Variants in AGAP1 observed in about 807,000 individuals in gnomAD.
AGAP1 encodes the protein ArfGAP with GTPase domain, ankyrin repeat and PH domain 1.
Under a neutral mutation model 105.3 loss-of-function variants are expected in AGAP1, and 29 were observed. That is an observed-to-expected ratio of 0.28 (90% CI 0.21 to 0.38). The LOEUF (loss-of-function observed/expected upper bound fraction) is 0.38. Ranked by LOEUF, AGAP1 falls within the 10% of genes least tolerant of loss-of-function variation. The pLI, the probability that AGAP1 is intolerant of heterozygous loss-of-function variation, is 1.00. For missense variants in AGAP1, 998 were observed against 1,165.1 expected (o/e 0.86, Z 2.09); for synonymous variants, 509 against 485.9 (o/e 1.05, Z -0.63).
intron 13 of AGAP1, among the ~76,000 whole-genome samples, chr2:235,974,654 G>C (rs1198640548): frequency 6.6e-6 from 1 of 152,152 alleles, no homozygotes; most frequent in African/African-American, 2.4e-5. Context: ...TCACTGTTAT[G>C]GTAGAAAATG....
intron 1 of AGAP1, among the ~76,000 whole-genome samples, chr2:235,564,002 T>C (rs1944256097): frequency 6.6e-6 from 1 of 152,136 alleles, no homozygotes; most frequent in African/African-American, 2.4e-5. Context: ...TCCTGGAGCC[T>C]CTTTGTGGGA....
At chr2:235,646,902 G>A (rs1269001459) in intron 1 of AGAP1, among the ~76,000 whole-genome samples, 1 of 152,150 alleles carries the variant, frequency 6.6e-6, no homozygotes, top group African/African-American at 2.4e-5. Context: ...TTGAGAGGCC[G>A]AGGCGGGTGG....
intron 1 of AGAP1, among the ~76,000 whole-genome samples, chr2:235,524,806 A>G (rs1258672850): frequency 6.6e-6 from 1 of 152,192 alleles, no homozygotes; most frequent in Non-Finnish European, 1.5e-5. Flanking sequence ...TAGTGGGGGT[A>G]GGGGTGAGGA....
Position 235,967,617 on chromosome 2 carries a change from A to G in AGAP1, c.1484-845A>G, listed in dbSNP as rs1253255469. Among the ~76,000 whole-genome samples the G allele has an allele frequency of 6.6e-6, 1 of 152,220 alleles. No homozygotes were observed. Among genetic ancestry groups the G allele is most frequent in the Admixed American group, 6.5e-5 (1 of 15,280 alleles). Reference sequence around the variant, plus strand: ...TACAGAACTCTGACTTTGGACTTAAAGATGCTGAATCGTGAAATAAAAACT... The same window carrying G: ...TACAGAACTCTGACTTTGGACTTAAGGATGCTGAATCGTGAAATAAAAACT... On this transcript the variant is annotated intron_variant, in intron 12 of 17. Transcript: ENST00000304032. This position sits in a 1 kb window ranked among gnomAD's most constrained non-coding sequence, Gnocchi z 4.7.
rs956942907 is a variant in AGAP1, at chr2:236,090,148, C to T, written c.2115-30044C>T. On this transcript the variant is annotated intron_variant, in intron 16 of 17. Transcript: ENST00000304032. The surrounding 1 kb of genome is among the most constrained non-coding windows in gnomAD (Gnocchi z 4.3). ...TTCACAGAGACCGGCCGTGTCCTCA[C>T]CCCTCTGTCACCATTGTGGGCTCCA... 6.6e-6 allele frequency among the ~76,000 whole-genome samples: 1 copy of T among 152,182 alleles called. No individual in the cohort carries two copies. Among genetic ancestry groups the T allele is most frequent in the Admixed American group, 6.5e-5 (1 of 15,284 alleles).
chr2:235,783,603 T>G (rs1956415365), intron 6 of AGAP1, among the ~76,000 whole-genome samples: 1 of 152,178 alleles, frequency 6.6e-6, no homozygotes, highest in Admixed American at 6.5e-5. Context: ...CACAAAACAT[T>G]ATGCTCTGTG....
In AGAP1 at chr2:235,957,325, C is replaced by T. The variant is rs1436213582; in HGVS notation, c.1484-11137C>T. 4.6e-5 allele frequency among the ~76,000 whole-genome samples: 7 copies of T among 152,274 alleles called. No homozygotes were observed. The East Asian group carries it at 1.4e-3, about 29-fold the overall frequency. On this transcript the variant is annotated intron_variant, in intron 12 of 17. Coordinates refer to ENST00000304032, the MANE Select transcript of AGAP1 (RefSeq NM_001037131.3). The surrounding 1 kb of genome is among the most constrained non-coding windows in gnomAD (Gnocchi z 4.6). ...GGCCCAAGTAGGCAATTCTTCTCTCCTGTGTGTTCTCTTGGTTCTGGCTCC... is the reference window on the plus strand; with the variant it reads ...GGCCCAAGTAGGCAATTCTTCTCTCTTGTGTGTTCTCTTGGTTCTGGCTCC...
Position 235,799,570 on chromosome 2 carries a change from C to A in AGAP1, c.957+48C>A. 3.8e-6 allele frequency: 6 copies of A among 1,596,116 alleles called. No individual in the cohort carries two copies. Among genetic ancestry groups the A allele is most frequent in the Non-Finnish European group, 5.1e-6 (6 of 1,166,682 alleles). On this transcript the variant is annotated intron_variant, in intron 8 of 17. Transcript: ENST00000304032. This position sits in a 1 kb window ranked among gnomAD's most constrained non-coding sequence, Gnocchi z 5.0. ...GATTTGAATGCGATTCCGAAGCGTT[C>A]CCATTAACGTAAACCTGGTTGCCAC...
chr2:235,765,925 C>CA (rs1954914043), intron 6 of AGAP1, among the ~76,000 whole-genome samples: 1 of 152,192 alleles, frequency 6.6e-6, no homozygotes, highest in South Asian at 2.1e-4. Flanking sequence ...TGTAGAATTT[C>CA]AGAGCTGGAA....
At chr2:235,544,762 C>T (rs891748612) in intron 1 of AGAP1, among the ~76,000 whole-genome samples, 19 of 152,230 alleles carry the variant, frequency 1.2e-4, no homozygotes, top group Admixed American at 1.1e-3. Context: ...CTGTCAAACT[C>T]GAATTTCCAG....
At chr2:235,810,658 A>G (rs12616076) in intron 9 of AGAP1, among the ~76,000 whole-genome samples, 124,319 of 152,064 alleles carry the variant, frequency 0.82, 51,172 homozygotes, top group East Asian at 0.99. Context: ...GGAGCTTGCC[A>G]AATCATGATG....
At chr2:235,909,804 T>G (rs1332474780) in intron 11 of AGAP1, among the ~76,000 whole-genome samples, 1 of 152,154 alleles carries the variant, frequency 6.6e-6, no homozygotes, top group Admixed American at 6.5e-5. Flanking sequence ...GTGGATCGCC[T>G]GAGGTCAGGA....
intron 1 of AGAP1, among the ~76,000 whole-genome samples, chr2:235,693,370 C>T (rs2149448553): frequency 6.6e-6 from 1 of 152,242 alleles, no homozygotes; most frequent in Non-Finnish European, 1.5e-5. Flanking sequence ...ACGTGTTCTG[C>T]CCTCCAGGGG....
rs1953503021 is a variant in AGAP1 at position 235,752,201 on chromosome 2, CAG to C, written c.673+1716_673+1717del. ...AGACTTTTCTTCTTTTTTTTGGAGA[CAG>C]AGTCTAGCTCTTTGCCCAGGCTGGA... is the stretch of plus-strand genomic sequence containing the variant. On this transcript the variant is annotated intron_variant, in intron 6 of 17. Transcript: ENST00000304032. The surrounding 1 kb of genome is among the most constrained non-coding windows in gnomAD (Gnocchi z 4.3). Among the ~76,000 whole-genome samples, 1 of 152,074 alleles carries C rather than the reference CAG, an allele frequency of 6.6e-6. No individual in the cohort carries two copies. The highest frequency in any genetic ancestry group is 1.5e-5 in the Non-Finnish European group (1 of 68,012).
intron 6 of AGAP1, among the ~76,000 whole-genome samples, chr2:235,783,115 T>C (rs1956378824): frequency 6.6e-6 from 1 of 151,958 alleles, no homozygotes; most frequent in Admixed American, 6.6e-5. Context: ...TCACCATGAA[T>C]TTTTTTTCTT....
chr2:235,567,367 A>G (rs1306354168), intron 1 of AGAP1, among the ~76,000 whole-genome samples: 1 of 152,074 alleles, frequency 6.6e-6, no homozygotes, highest in Non-Finnish European at 1.5e-5. Flanking sequence ...CAGAGCCCCA[A>G]AGGGCCCTGC....
rs910760721 is a variant in AGAP1 at position 235,631,477 on chromosome 2, G to T, written c.164-77702G>T. 1.3e-5 allele frequency among the ~76,000 whole-genome samples: 2 copies of T among 152,204 alleles called. No homozygotes were observed. The highest frequency in any genetic ancestry group is 4.8e-5 in the African/African-American group (2 of 41,452). Reference sequence around the variant, plus strand: ...AGAGGGTTTCTGGGTCCCAGGACCGGACTGCGTGGTCCTGGTTATACCTGC... The same window carrying T: ...AGAGGGTTTCTGGGTCCCAGGACCGTACTGCGTGGTCCTGGTTATACCTGC... On this transcript the variant is annotated intron_variant, in intron 1 of 17. Coordinates refer to ENST00000304032, the MANE Select transcript of AGAP1 (RefSeq NM_001037131.3). The surrounding 1 kb of genome is among the most constrained non-coding windows in gnomAD (Gnocchi z 5.4).
rs1029143793 is a variant in AGAP1, at chr2:235,738,530, T to C, written c.311-2433T>C. ...CCAAAGAAAGAGGAACAGATTTCCT[T>C]TTCAAATGTTATTTTTCTTTCTTTC... On this transcript the variant is annotated intron_variant, in intron 3 of 17. Transcript: ENST00000304032. Among the ~76,000 whole-genome samples, 10 of 152,144 alleles carry C rather than the reference T, an allele frequency of 6.6e-5. No homozygotes were observed. The South Asian group carries it at 1.9e-3, about 28-fold the overall frequency.
chr2:235,606,746 C>A (rs1448830833), intron 1 of AGAP1, among the ~76,000 whole-genome samples: 1 of 151,954 alleles, frequency 6.6e-6, no homozygotes, highest in African/African-American at 2.4e-5. Flanking sequence ...GTCAGGGGAT[C>A]GAGACCAGTG....
Sources: gnomAD v4.1 joint callset for allele counts (sites outside exome capture counted in the v4.1 genomes callset) on GRCh38, gnomAD v4.1.1 for gene constraint, Gnocchi (gnomAD v3.1) non-coding constraint, MANE v1.5 for transcripts, NCBI Gene and HGNC (gene_info 2026-07-23, HGNC 2026-07-21) for gene names.